The following PRH1 variants were observed in gnomAD, a reference collection of about 807,000 sequenced individuals.
The protein encoded by PRH1 is proline rich protein HaeIII subfamily 1.
In PRH1, 7 loss-of-function variants were observed where a neutral mutation model predicts 7.9. That is an observed-to-expected ratio of 0.89 (90% CI 0.50 to 1.67). The LOEUF is 1.67. Among genes scored for constraint, PRH1 ranks in the 40% most tolerant of loss-of-function variants. The pLI is 0.00. For synonymous variants in PRH1, 45 were observed against 80.8 expected (o/e 0.56, Z 2.38); for missense variants, 109 against 223.6 (o/e 0.49, Z 3.27).
At chr12:11,111,911 C>T (rs2136304875) in intron 1 of PRH1, among the ~76,000 whole-genome samples, 1 of 151,692 alleles carries the variant, frequency 6.6e-6, no homozygotes. Context: ...GCTAGCCAGA[C>T]TAGTAAAGAA....
intron 1 of PRH1, among the ~76,000 whole-genome samples, chr12:11,143,916 T>A (rs965871543): frequency 6.6e-6 from 1 of 152,204 alleles, no homozygotes; most frequent in African/African-American, 2.4e-5. Context: ...CTGGGAGTTG[T>A]CTGCACAGAG....
chr12:11,147,321 G>A (rs1281687321), intron 1 of PRH1, among the ~76,000 whole-genome samples: 2 of 152,008 alleles, frequency 1.3e-5, no homozygotes, highest in African/African-American at 4.8e-5. Context: ...CTGAGTAGCT[G>A]TGACTACAGG....
At chr12:11,006,074 A>C (rs1015637953) in intron 1 of PRH1, 3 of 151,966 alleles carry the variant, frequency 2.0e-5, no homozygotes, top group Non-Finnish European at 2.9e-5. Context: ...ATTGTTTCTA[A>C]GAGATCTTGG....
intron 2 of PRH1, chr12:10,932,206 A>T (rs187175754): frequency 5.8e-4 from 254 of 434,840 alleles, no homozygotes; most frequent in Middle Eastern, 1.7e-3. Context: ...CTTGCCTATA[A>T]TCTTCCTTGT....
At chr12:10,929,386 G>A in intron 2 of PRH1, 1 of 1,610,334 alleles carries the variant, frequency 6.2e-7, no homozygotes, top group Non-Finnish European at 8.5e-7. Flanking sequence ...GGGTTTACGG[G>A]CGAATGCTAT....
intron 1 of PRH1, among the ~76,000 whole-genome samples, chr12:10,989,067 C>A (rs1459703778): frequency 6.6e-6 from 1 of 152,186 alleles, no homozygotes; most frequent in East Asian, 1.9e-4. Context: ...CTCGGCCTCC[C>A]AAAGTGCTGG....
At chr12:11,061,361 G>C in intron 1 of PRH1, 3 of 1,610,206 alleles carry the variant, frequency 1.9e-6, no homozygotes, top group Non-Finnish European at 2.5e-6. Flanking sequence ...CTGCTCTTGT[G>C]AATCTATGAA....
rs202084629 is a variant in PRH1 at position 10,922,831 on chromosome 12, C to CTTTTTTTT, written c.-58-38564_-58-38557dup. Among the ~76,000 whole-genome samples, 83 of 119,258 alleles carry CTTTTTTTT rather than the reference C, an allele frequency of 7.0e-4. 7 individuals are homozygous for CTTTTTTTT. The highest frequency in any genetic ancestry group is 1.0e-3 in the Non-Finnish European group (59 of 59,010). 78.2% of individuals were successfully genotyped at this position (119,258 alleles called of 152,430 possible). ...TCTTTTCCATGAATTTTTTCTTTTT[C>CTTTTTTTT]TTTTTTTTGAGACGGAGTCTCGCTC... On this transcript the variant is annotated intron_variant, in intron 2 of 3. Coordinates refer to the PRH1 transcript ENST00000539853.
upstream of PRH1, chr12:10,884,298 A>G: frequency 6.3e-7 from 1 of 1,594,396 alleles, no homozygotes; most frequent in East Asian, 2.2e-5. Context: ...AAGCAGGACA[A>G]TGGTGCATTT....
intron 2 of PRH1, among the ~76,000 whole-genome samples, chr12:10,942,571 G>A (rs1391269928): frequency 6.6e-6 from 1 of 152,126 alleles, no homozygotes; most frequent in African/African-American, 2.4e-5. Context: ...CCTCCCCAAT[G>A]GCACCCTGTC....
intron 1 of PRH1, chr12:11,171,208 C>T (rs1016129608): frequency 2.7e-5 from 12 of 439,616 alleles, no homozygotes; most frequent in African/African-American, 2.4e-4. Flanking sequence ...ACGCGCCGCA[C>T]TGCACCGAGC....
At chr12:10,977,996 C>A (rs1285443007) in intron 1 of PRH1, among the ~76,000 whole-genome samples, 1 of 151,032 alleles carries the variant, frequency 6.6e-6, no homozygotes, top group Non-Finnish European at 1.5e-5. Context: ...AAGCAATTTA[C>A]AGATTCAGTG....
intron 2 of PRH1, among the ~76,000 whole-genome samples, chr12:10,964,174 T>C (rs1938388748): frequency 6.6e-6 from 1 of 152,262 alleles, no homozygotes; most frequent in African/African-American, 2.4e-5. Flanking sequence ...TACAATATTT[T>C]CTATAATTTG....
At chr12:11,040,587 C>G (rs962241532) in intron 1 of PRH1, among the ~76,000 whole-genome samples, 25 of 152,164 alleles carry the variant, frequency 1.6e-4, no homozygotes, top group Non-Finnish European at 7.3e-5. Flanking sequence ...CTAGGGATAG[C>G]ATTAGGAGAA....
In PRH1 at chr12:11,171,289, G is replaced by C. The variant is rs1004617297; in HGVS notation, n.39+133C>G. The C allele has an allele frequency of 4.7e-5, 50 of 1,060,426 alleles. No individual in the cohort carries two copies. In the African/African-American group the frequency reaches 6.2e-4, roughly 13 times the overall value. 65.7% of individuals were successfully genotyped at this position (1,060,426 alleles called of 1,614,324 possible). A position where few individuals can be genotyped will look rare whatever the true frequency, so the allele number is the denominator to read the frequency against. On this transcript the variant is annotated intron_variant and non_coding_transcript_variant, in intron 1 of 1. Transcript: ENST00000541175. ...TACCGTCCTGCCGGTCCCAGCCGTC[G>C]CTAGGAGGTCCGCGGGCCCTGCGGC...
At chr12:11,089,491 T>C (rs1460472586) in intron 1 of PRH1, among the ~76,000 whole-genome samples, 2 of 20,620 alleles carry the variant, frequency 9.7e-5, no homozygotes, top group African/African-American at 1.4e-4. Context: ...CACTGTGAAG[T>C]GGCTGCCAGC....
chr12:11,069,325 C>G (rs1227351909), intron 1 of PRH1, among the ~76,000 whole-genome samples: 2 of 152,034 alleles, frequency 1.3e-5, no homozygotes, highest in Non-Finnish European at 2.9e-5. Flanking sequence ...TGGATAATCA[C>G]CCTTACGCTT....
intron 1 of PRH1, among the ~76,000 whole-genome samples, chr12:11,114,782 G>A (rs1319755199): frequency 6.6e-6 from 1 of 152,092 alleles, no homozygotes; most frequent in Admixed American, 6.6e-5. Context: ...TTTTGTTTTT[G>A]TGCTTGTTTG....
rs945310410 is a variant in PRH1 at position 11,053,697 on chromosome 12, T to C, written n.124-6509A>G. On this transcript the variant is annotated intron_variant and non_coding_transcript_variant, in intron 1 of 4. Transcript: ENST00000541977. ...ATGTAAATGTAGATGATGATAATAA[T>C]GATGATGATGTCACCTGAAAGGGAG... Among the ~76,000 whole-genome samples, 4 of 152,272 alleles carry C rather than the reference T, an allele frequency of 2.6e-5. 1 individual carries two copies. The highest frequency in any genetic ancestry group is 2.0e-4 in the Admixed American group (3 of 15,292).
Sources: gnomAD v4.1 joint callset for allele counts (sites outside exome capture counted in the v4.1 genomes callset) on GRCh38, gnomAD v4.1.1 for gene constraint, MANE v1.5 for transcripts, NCBI Gene and HGNC (gene_info 2026-07-23, HGNC 2026-07-21) for gene names.